PTPRT: variants seen among roughly 807,000 people sequenced by gnomAD.
PTPRT encodes the protein receptor-type tyrosine-protein phosphatase T.
A neutral mutation model predicts 176.8 loss-of-function variants in PTPRT; 56 were observed. The ratio of observed to expected loss-of-function variants is 0.32; its 90% confidence interval spans 0.26 to 0.40. The LOEUF (loss-of-function observed/expected upper bound fraction) is 0.40, where lower values mean the gene tolerates loss of function less well. Ranked by LOEUF, PTPRT falls within the 10% of genes least tolerant of loss-of-function variation. The probability of loss-of-function intolerance (pLI) is 1.00; values close to 1 mark genes in which losing one functional copy is unlikely to be tolerated. For synonymous variants in PTPRT, 783 were observed against 739.0 expected (o/e 1.06, Z -0.96); for missense variants, 1,540 against 1,908.2 (o/e 0.81, Z 3.60).
intron 10 of PTPRT, 78 bp downstream of exon 10, chr20:42,352,005 GA>G (rs2058291267): frequency 7.0e-7 from 1 of 1,426,810 alleles, no homozygotes; most frequent in Non-Finnish European, 9.8e-7. Flanking sequence ...GACAATTCAA[GA>G]AAAATTTCCA....
chr20:42,381,633 G>T (rs963343500), intron 9 of PTPRT, among the ~76,000 whole-genome samples: 2 of 152,034 alleles, frequency 1.3e-5, no homozygotes, highest in African/African-American at 2.4e-5. Flanking sequence ...ATATGTTTTA[G>T]GGTGAGTGAA....
intron 6 of PTPRT, among the ~76,000 whole-genome samples, chr20:42,725,251 T>C (rs1388429897): frequency 6.6e-6 from 1 of 151,466 alleles, no homozygotes; most frequent in African/African-American, 2.4e-5. Flanking sequence ...GGTCTTGAAC[T>C]CCTAGGTGAC....
chr20:42,666,641 C>T (rs2075321666), intron 7 of PTPRT, among the ~76,000 whole-genome samples: 1 of 152,148 alleles, frequency 6.6e-6, no homozygotes, highest in African/African-American at 2.4e-5. Flanking sequence ...ATTAAATTTG[C>T]TAATCCAACA....
intron 2 of PTPRT, among the ~76,000 whole-genome samples, chr20:42,877,768 C>T (rs1220568775): frequency 2.0e-5 from 3 of 152,188 alleles, no homozygotes; most frequent in Non-Finnish European, 4.4e-5. Context: ...AGGGAGCCCA[C>T]ACAGCTTTTT....
intron 6 of PTPRT, among the ~76,000 whole-genome samples, chr20:42,749,623 C>T (rs548123501): frequency 4.6e-5 from 7 of 152,282 alleles, no homozygotes; most frequent in Middle Eastern, 3.4e-3. Context: ...ACAGCACCTA[C>T]GTCATAGGGC....
chr20:42,635,585 T>G (rs1056739170), intron 7 of PTPRT, among the ~76,000 whole-genome samples: 1 of 152,166 alleles, frequency 6.6e-6, no homozygotes, highest in East Asian at 1.9e-4. Flanking sequence ...CTGCTTGTAA[T>G]AGGAGTCACA....
chr20:42,471,247 C>T (rs988746061), intron 8 of PTPRT, among the ~76,000 whole-genome samples: 6 of 152,128 alleles, frequency 3.9e-5, no homozygotes, highest in Admixed American at 2.6e-4. Flanking sequence ...TTTCTGGAGG[C>T]ATCAGTGCAG....
At chr20:42,832,391 G>GA (rs1369874428) in intron 2 of PTPRT, among the ~76,000 whole-genome samples, 1 of 151,900 alleles carries the variant, frequency 6.6e-6, no homozygotes, top group Non-Finnish European at 1.5e-5. Context: ...GAGGGGATCA[G>GA]AAAAAATTAA....
At chr20:42,364,183 G>A (rs1484927928) in intron 9 of PTPRT, among the ~76,000 whole-genome samples, 1 of 152,232 alleles carries the variant, frequency 6.6e-6, no homozygotes, top group Non-Finnish European at 1.5e-5. Context: ...GGCCAAGTCA[G>A]GGATCAGGTT....
intron 1 of PTPRT, among the ~76,000 whole-genome samples, chr20:43,091,286 C>A (rs561231424): frequency 1.8e-4 from 27 of 151,914 alleles, no homozygotes; most frequent in Non-Finnish European, 3.1e-4. Flanking sequence ...AAGTGGCGTG[C>A]AGACAAAACA....
intron 16 of PTPRT, among the ~76,000 whole-genome samples, chr20:42,172,284 A>G (rs1166192929): frequency 6.6e-6 from 1 of 152,224 alleles, no homozygotes; most frequent in African/African-American, 2.4e-5. Flanking sequence ...AAAAACAGCA[A>G]AAGCTGGCTC....
chr20:42,107,058 A>C (rs1275334640), intron 23 of PTPRT, 137 bp from the exon 24 acceptor site: 1 of 1,150,248 alleles, frequency 8.7e-7, no homozygotes, highest in East Asian at 2.5e-5. Flanking sequence ...TCCTTTCTTA[A>C]TATGTATAGT....
chr20:42,120,483 A>G (rs1026090667), intron 19 of PTPRT, among the ~76,000 whole-genome samples: 1 of 152,224 alleles, frequency 6.6e-6, no homozygotes, highest in South Asian at 2.1e-4. Flanking sequence ...CTATGCCAAC[A>G]TTCCTGGGCT....
At chr20:42,206,989 C>A (rs961085523) in intron 15 of PTPRT, among the ~76,000 whole-genome samples, 1 of 152,184 alleles carries the variant, frequency 6.6e-6, no homozygotes, top group Non-Finnish European at 1.5e-5. Context: ...TGACCCCTGA[C>A]CCCCGAGCAG....
chr20:42,879,091 T>C (rs1248532953), intron 2 of PTPRT, among the ~76,000 whole-genome samples: 1 of 151,962 alleles, frequency 6.6e-6, no homozygotes, highest in Non-Finnish European at 1.5e-5. Context: ...ACAGAGCTCG[T>C]GTGGAAAAGG....
chr20:42,897,005 A>T (rs2079312902), intron 1 of PTPRT, among the ~76,000 whole-genome samples: 1 of 152,186 alleles, frequency 6.6e-6, no homozygotes, highest in African/African-American at 2.4e-5. Context: ...TGTTTAAATA[A>T]GTGCACAAAT....
chr20:42,703,846 T>C (rs1442254195), intron 6 of PTPRT, among the ~76,000 whole-genome samples: 2 of 152,098 alleles, frequency 1.3e-5, no homozygotes, highest in Non-Finnish European at 2.9e-5. Flanking sequence ...CTCTAAGAAA[T>C]AGAAAAGCAG....
At chr20:42,752,569 G>A (rs1184301273) in intron 6 of PTPRT, among the ~76,000 whole-genome samples, 1 of 152,176 alleles carries the variant, frequency 6.6e-6, no homozygotes. Flanking sequence ...CCAGGGTTGT[G>A]GGTGACGTCA....
chr20:42,093,253 T>A (rs1984826477), intron 27 of PTPRT, among the ~76,000 whole-genome samples: 2 of 152,204 alleles, frequency 1.3e-5, no homozygotes. Flanking sequence ...TGCTGTTGGA[T>A]GTGGTTGAAA....
Sources: allele counts gnomAD v4.1 joint callset (sites outside exome capture counted in the v4.1 genomes callset), GRCh38; gene constraint gnomAD v4.1.1; transcripts MANE v1.5; gene names NCBI Gene and HGNC (gene_info 2026-07-23, HGNC 2026-07-21).